The following ENAH variants were observed in gnomAD, a reference collection of about 807,000 sequenced individuals.
ENAH encodes ENAH actin regulator.
In ENAH, 23 loss-of-function variants were observed where a neutral mutation model predicts 78.7. That is an observed-to-expected ratio of 0.29 (90% CI 0.21 to 0.41). ENAH has a LOEUF of 0.41. Among genes scored for constraint, ENAH ranks in the 10% least tolerant of loss-of-function variants. The pLI is 1.00. For missense variants in ENAH, 544 were observed against 691.0 expected, an observed-to-expected ratio of 0.79 and a Z score of 2.39; for synonymous variants, 226 against 241.0, an observed-to-expected ratio of 0.94 and a Z score of 0.58.
At chr1:225,634,328 T>C (rs534408587) in intron 1 of ENAH, among the ~76,000 whole-genome samples, 3 of 152,352 alleles carry the variant, frequency 2.0e-5, no homozygotes, top group Admixed American at 1.3e-4. Context: ...GTAACTTATA[T>C]AGTAGTTGCT....
chr1:225,635,989 T>C (rs1230482441), intron 1 of ENAH, among the ~76,000 whole-genome samples: 2 of 152,228 alleles, frequency 1.3e-5, no homozygotes, highest in Non-Finnish European at 2.9e-5. Flanking sequence ...CATCAATTCT[T>C]GCCTGAGTTT....
chr1:225,581,347 A>G (rs988930287), intron 1 of ENAH: 13 of 954,214 alleles, frequency 1.4e-5, no homozygotes, highest in Non-Finnish European at 1.6e-5. Context: ...AGTTAAAAAT[A>G]TCAAGTGTGG....
At chr1:225,653,780 C>G (rs1052883517), upstream of ENAH, among the ~76,000 whole-genome samples, 1 of 152,248 alleles carries the variant, frequency 6.6e-6, no homozygotes, top group African/African-American at 2.4e-5. This position sits in a 1 kb window ranked among gnomAD's most constrained non-coding sequence, Gnocchi z 4.3. Context: ...CCCGCCCTCG[C>G]CGCGGCTGCG....
Position 225,583,215 on chromosome 1 carries a change from T to C in ENAH, c.6-15801A>G, listed in dbSNP as rs1558855712. On this transcript the variant is annotated intron_variant, in intron 1 of 13. Transcript: ENST00000366843. ...ACTTTGGGAGGCTGAGGCGAGCAGA[T>C]CACCTGAGGTCAGAAGTTCAAGACT... 2.0e-5 allele frequency among the ~76,000 whole-genome samples: 3 copies of C among 152,242 alleles called. 1 individual carries two copies. In the East Asian group the frequency reaches 5.8e-4, roughly 29 times the overall value.
At chr1:225,597,068 TAA>T (rs945101965) in intron 1 of ENAH, among the ~76,000 whole-genome samples, 19 of 152,222 alleles carry the variant, frequency 1.2e-4, no homozygotes, top group African/African-American at 3.1e-4. Flanking sequence ...AAAAAGACAA[TAA>T]AAGTCTTCAA....
intron 1 of ENAH, among the ~76,000 whole-genome samples, chr1:225,614,456 G>C (rs1486156221): frequency 2.6e-5 from 4 of 152,214 alleles, no homozygotes; most frequent in African/African-American, 9.7e-5. Flanking sequence ...CTGATCTCCT[G>C]TACCTGGGAT....
intron 1 of ENAH, among the ~76,000 whole-genome samples, chr1:225,578,156 C>T (rs183099138): frequency 6.6e-6 from 1 of 151,690 alleles, no homozygotes; most frequent in Non-Finnish European, 1.5e-5. Context: ...CTCTGGAGAC[C>T]GAAAAAAATA....
At chr1:225,628,658 C>A (rs1213255205) in intron 1 of ENAH, among the ~76,000 whole-genome samples, 14 of 152,044 alleles carry the variant, frequency 9.2e-5, no homozygotes, top group Admixed American at 4.6e-4. Flanking sequence ...CGCCTGGAAT[C>A]CCAGCACTTT....
chr1:225,572,686 C>G (rs748198762), intron 1 of ENAH, among the ~76,000 whole-genome samples: 1 of 152,160 alleles, frequency 6.6e-6, no homozygotes, highest in South Asian at 2.1e-4. Context: ...CATGACAAGC[C>G]TCAAAATGAA....
At chr1:225,586,253 A>AAG (rs1381438790) in intron 1 of ENAH, among the ~76,000 whole-genome samples, 1 of 150,760 alleles carries the variant, frequency 6.6e-6, no homozygotes, top group East Asian at 1.9e-4. Flanking sequence ...AAAAAAAAAA[A>AAG]AAAAAGGAAG....
Position 225,514,809 on chromosome 1 carries a change from C to T in ENAH, c.1005G>A (p.Gly335=), listed in dbSNP as rs375457567. 5.0e-5 allele frequency: 73 copies of T among 1,459,478 alleles called. No homozygotes were observed. The highest frequency in any genetic ancestry group is 6.1e-5 in the Non-Finnish European group (68 of 1,112,754). 90.4% of individuals were successfully genotyped at this position (1,459,478 alleles called of 1,614,324 possible). Residue 335 remains glycine (G), a synonymous_variant, in exon 7 of 14, where the codon GGG becomes GGA. Transcript: ENST00000366843. ...ATGGGAGTGGAGGAGGTGGAGGGGG[C>T]CCTGGGGGAGGAGGGAGGGCTACTG... ...QASVALPPPP[G]PPPPPPLPST...
Position 225,604,853 on chromosome 1 carries a change from A to G in ENAH, c.6-37439T>C, listed in dbSNP as rs573365141. ...AGATTTAGAGAGGGCTGATAAAGAT[A>G]TGAAAAACATTAAAGCTAGCTAGTA... On this transcript the variant is annotated intron_variant, in intron 1 of 13. Coordinates refer to ENST00000366843, the MANE Select transcript of ENAH (RefSeq NM_018212.6). Among the ~76,000 whole-genome samples, 8 of 152,266 alleles carry G rather than the reference A, an allele frequency of 5.3e-5. No homozygotes were observed. The South Asian group carries it at 1.7e-3, about 32-fold the overall frequency.
Position 225,535,131 on chromosome 1 carries a change from G to A in ENAH, c.350-4493C>T, listed in dbSNP as rs148995994. ...TTTCCTTTGCACAAGGCACATTTAC[G>A]TTCCTCAAATCATATTAAGATGGAC... On this transcript the variant is annotated intron_variant, in intron 3 of 13. Coordinates refer to ENST00000366843, the MANE Select transcript of ENAH (RefSeq NM_018212.6). 9.0e-4 allele frequency among the ~76,000 whole-genome samples: 137 copies of A among 152,112 alleles called. 1 individual carries two copies. The highest frequency in any genetic ancestry group is 3.3e-3 in the African/African-American group (135 of 41,504).
chr1:225,591,336 G>A (rs2096874546), intron 1 of ENAH, among the ~76,000 whole-genome samples: 2 of 151,952 alleles, frequency 1.3e-5, no homozygotes, highest in African/African-American at 4.8e-5. Flanking sequence ...GGGCGTGGTG[G>A]TGATGCCTGT....
chr1:225,526,225 T>A (rs928482711), intron 4 of ENAH, among the ~76,000 whole-genome samples: 11 of 152,206 alleles, frequency 7.2e-5, no homozygotes, highest in Non-Finnish European at 1.6e-4. Context: ...AATCTGATCT[T>A]CTTACTTTAC....
intron 12 of ENAH, 127 bp from the exon 13 acceptor site, chr1:225,498,531 T>C (rs1256489884): frequency 9.8e-6 from 6 of 611,124 alleles, no homozygotes; most frequent in Non-Finnish European, 1.7e-5. Flanking sequence ...GAGCCACAAT[T>C]CTATTTCTTG....
chr1:225,499,588 C>T (rs2096270518), intron 12 of ENAH, among the ~76,000 whole-genome samples: 1 of 152,124 alleles, frequency 6.6e-6, no homozygotes. Context: ...AGGAGAATCG[C>T]TTGAACCCGG....
At chr1:225,608,220 G>GAAAAAAAAAAAAAAAAAAAAA (rs60998592) in intron 1 of ENAH, among the ~76,000 whole-genome samples, 10 of 91,272 alleles carry the variant, frequency 1.1e-4, no homozygotes, top group Middle Eastern at 6.2e-3. Context: ...ATAAAAAACA[G>GAAAAAAAAAAAAAAAAAAAAA]AAAAAAAAAA....
Position 225,639,888 on chromosome 1 carries a change from C to G in ENAH, c.5+12798G>C, listed in dbSNP as rs556781166. ...CCGTGTCCTCAAAGACATCAGTGACCCACTGACTGTAGTATGTGTGGAGTC... is the reference window on the plus strand; with the variant it reads ...CCGTGTCCTCAAAGACATCAGTGACGCACTGACTGTAGTATGTGTGGAGTC... On this transcript the variant is annotated intron_variant, in intron 1 of 13. Transcript: ENST00000366843. 2.0e-5 allele frequency among the ~76,000 whole-genome samples: 3 copies of G among 152,172 alleles called. 1 individual carries two copies. In the South Asian group the frequency reaches 6.2e-4, roughly 32 times the overall value.
Sources: allele counts gnomAD v4.1 joint callset (sites outside exome capture counted in the v4.1 genomes callset), GRCh38; gene constraint gnomAD v4.1.1; non-coding constraint Gnocchi (gnomAD v3.1); transcripts MANE v1.5; gene names NCBI Gene and HGNC (gene_info 2026-07-23, HGNC 2026-07-21).